The following BAZ2B variants were observed in gnomAD, a reference collection of about 807,000 sequenced individuals.
The protein encoded by BAZ2B is bromodomain adjacent to zinc finger domain 2B, also known as bromodomain adjacent to zinc finger domain protein 2B.
BAZ2B carries 91 observed loss-of-function variants against 246.0 expected under a neutral mutation model. The ratio of observed to expected loss-of-function variants is 0.37; its 90% CI spans 0.31 to 0.44. The LOEUF is 0.44. Among genes scored for constraint, BAZ2B ranks in the 20% least tolerant of loss-of-function variants. BAZ2B has a pLI of 1.00. For missense variants in BAZ2B, 2,332 were observed against 2,533.7 expected (o/e 0.92, Z 1.71); for synonymous variants, 855 against 860.0 (o/e 0.99, Z 0.10).
At chr2:159,614,659 C>T (rs1240408948) in intron 1 of BAZ2B, among the ~76,000 whole-genome samples, 4 of 151,640 alleles carry the variant, frequency 2.6e-5, no homozygotes, top group Non-Finnish European at 5.9e-5. Context: ...AGATAAATAA[C>T]AAATGACGCA....
chr2:159,531,226 C>T (rs1163956705), intron 2 of BAZ2B, among the ~76,000 whole-genome samples: 1 of 152,160 alleles, frequency 6.6e-6, no homozygotes, highest in Non-Finnish European at 1.5e-5. Flanking sequence ...AAGTCACACT[C>T]TCTGACCCTT....
the BAZ2B span, among the ~76,000 whole-genome samples, chr2:159,639,382 A>T: frequency 6.6e-6 from 1 of 152,186 alleles, no homozygotes; most frequent in Non-Finnish European, 1.5e-5. Flanking sequence ...ACATAAAAAA[A>T]CCCAGGATAG....
upstream of BAZ2B, among the ~76,000 whole-genome samples, chr2:159,619,340 G>A (rs577769067): frequency 1.3e-5 from 2 of 151,808 alleles, no homozygotes; most frequent in Non-Finnish European, 1.5e-5. Flanking sequence ...AGGGGTGACA[G>A]TGAAAACCTT....
intron 3 of BAZ2B, among the ~76,000 whole-genome samples, chr2:159,454,640 G>A (rs2075513390): frequency 6.6e-6 from 1 of 152,194 alleles, no homozygotes; most frequent in African/African-American, 2.4e-5. Flanking sequence ...ATGTCATTAT[G>A]CAGTGTATGA....
chr2:159,582,987 A>G (rs1687181863), intron 1 of BAZ2B, among the ~76,000 whole-genome samples: 1 of 152,188 alleles, frequency 6.6e-6, no homozygotes, highest in African/African-American at 2.4e-5. Context: ...AACAAAAAAT[A>G]ATGTGTATAA....
At chr2:159,648,981 A>G in the BAZ2B span, among the ~76,000 whole-genome samples, 12 of 152,178 alleles carry the variant, frequency 7.9e-5, no homozygotes, top group Admixed American at 5.9e-4. Flanking sequence ...AGCCAAAATG[A>G]GGGGGTAGTT....
chr2:159,583,482 C>CA (rs1687319137), intron 1 of BAZ2B, among the ~76,000 whole-genome samples: 1 of 152,182 alleles, frequency 6.6e-6, no homozygotes, highest in African/African-American at 2.4e-5. Flanking sequence ...GCTTATGAAA[C>CA]AGACTGCAGG....
chr2:159,701,814 C>CA, the BAZ2B span, among the ~76,000 whole-genome samples: 1 of 151,710 alleles, frequency 6.6e-6, no homozygotes, highest in South Asian at 2.1e-4. Context: ...CTGCAACCTC[C>CA]ACCTCCCAGG....
intron 2 of BAZ2B, among the ~76,000 whole-genome samples, chr2:159,525,456 T>C (rs1228631574): frequency 6.6e-6 from 1 of 152,184 alleles, no homozygotes; most frequent in African/African-American, 2.4e-5. Context: ...GGTGAAAAAT[T>C]CCATACCTGA....
At chr2:159,613,090 TCTATTCTAAAAATTG>T (rs1695041273) in intron 1 of BAZ2B, among the ~76,000 whole-genome samples, 1 of 152,160 alleles carries the variant, frequency 6.6e-6, no homozygotes, top group Non-Finnish European at 1.5e-5. Context: ...TAAGAATCCA[TCTATTCTAAAAATTG>T]TAAATAAACA....
chr2:159,486,454 G>A (rs1438096864), intron 2 of BAZ2B, among the ~76,000 whole-genome samples: 1 of 151,910 alleles, frequency 6.6e-6, no homozygotes, highest in African/African-American at 2.4e-5. Flanking sequence ...CTACATGTCT[G>A]ATGAACTAAA....
chr2:159,413,922 T>C (rs2067227323), intron 13 of BAZ2B, among the ~76,000 whole-genome samples: 1 of 152,174 alleles, frequency 6.6e-6, no homozygotes, highest in African/African-American at 2.4e-5. Context: ...TGTATATATC[T>C]AAAAGAAAGG....
At chr2:159,529,966 C>T (rs1327329965) in intron 2 of BAZ2B, among the ~76,000 whole-genome samples, 3 of 152,030 alleles carry the variant, frequency 2.0e-5, no homozygotes, top group African/African-American at 7.3e-5. Flanking sequence ...AAAGATCTCA[C>T]CAGTTTTATC....
At chr2:159,415,533 T>C (rs992049197) in intron 13 of BAZ2B, among the ~76,000 whole-genome samples, 4 of 152,114 alleles carry the variant, frequency 2.6e-5, no homozygotes, top group Admixed American at 6.5e-5. Context: ...TATTACCTTA[T>C]AGTCCAAAAT....
chr2:159,359,336 C>G (rs1401638467), intron 27 of BAZ2B, among the ~76,000 whole-genome samples: 2 of 152,152 alleles, frequency 1.3e-5, no homozygotes, highest in African/African-American at 4.8e-5. Context: ...CACCTCTACG[C>G]AAATAAACTA....
chr2:159,654,138 C>G, the BAZ2B span, among the ~76,000 whole-genome samples: 1 of 152,238 alleles, frequency 6.6e-6, no homozygotes, highest in South Asian at 2.1e-4. Flanking sequence ...GAAAAGAACT[C>G]AACTCTCATT....
chr2:159,399,032 C>T (rs2064517953), intron 17 of BAZ2B, 138 bp from the exon 18 acceptor site: 2 of 623,268 alleles, frequency 3.2e-6, no homozygotes, highest in Middle Eastern at 5.2e-4. Context: ...TTACAGATTT[C>T]CCCCCAGTTA....
intron 2 of BAZ2B, among the ~76,000 whole-genome samples, chr2:159,545,159 T>A (rs1240203327): frequency 6.6e-6 from 1 of 152,204 alleles, no homozygotes; most frequent in East Asian, 1.9e-4. Flanking sequence ...GTGGAAGATG[T>A]TATCTTTAGT....
At chr2:159,430,228 C>A (rs2150155686) in intron 10 of BAZ2B, among the ~76,000 whole-genome samples, 1 of 152,260 alleles carries the variant, frequency 6.6e-6, no homozygotes, top group African/African-American at 2.4e-5. Context: ...ACCCATGAAA[C>A]AGCAAGACCA....
Sources: allele counts gnomAD v4.1 joint callset (sites outside exome capture counted in the v4.1 genomes callset), GRCh38; gene constraint gnomAD v4.1.1; transcripts MANE v1.5; gene names NCBI Gene and HGNC (gene_info 2026-07-23, HGNC 2026-07-21).